Variants in VIT observed in about 807,000 individuals in gnomAD.
VIT encodes the protein vitrin.
A neutral mutation model predicts 78.0 loss-of-function variants in VIT; 99 were observed. That is an observed-to-expected ratio of 1.27 (90% CI 1.08 to 1.50). The LOEUF (loss-of-function observed/expected upper bound fraction) is 1.50. Ranked by LOEUF, VIT falls within the 40% of genes most tolerant of loss-of-function variation. The pLI is 0.00. For synonymous variants in VIT, 374 were observed against 334.3 expected, an observed-to-expected ratio of 1.12 and a Z score of -1.29; for missense variants, 1,126 against 875.3, an observed-to-expected ratio of 1.29 and a Z score of -3.61.
chr2:36,797,725 A>C (rs907595898), intron 12 of VIT, among the ~76,000 whole-genome samples: 2 of 152,154 alleles, frequency 1.3e-5, no homozygotes, highest in African/African-American at 2.4e-5. Flanking sequence ...AGTTGATGAA[A>C]TCTCCCAGGG....
At chr2:36,797,525 G>A (rs1396425454) in intron 12 of VIT, among the ~76,000 whole-genome samples, 1 of 152,228 alleles carries the variant, frequency 6.6e-6, no homozygotes, top group Non-Finnish European at 1.5e-5. Context: ...GAGGAAGGCA[G>A]ATGGGGAGAT....
At chr2:36,731,509 A>G (rs189847178) in intron 3 of VIT, among the ~76,000 whole-genome samples, 3 of 152,074 alleles carry the variant, frequency 2.0e-5, no homozygotes, top group Non-Finnish European at 4.4e-5. Flanking sequence ...TCCTGACCTC[A>G]TGATCCACCT....
chr2:36,727,520 C>T (rs906217399), intron 2 of VIT, among the ~76,000 whole-genome samples: 1 of 152,242 alleles, frequency 6.6e-6, no homozygotes, highest in Non-Finnish European at 1.5e-5. Context: ...ATTCCTTCCT[C>T]TGGAAAATGG....
intron 8 of VIT, 174 bp from the exon 9 acceptor site, chr2:36,774,828 T>C (rs1225717431): frequency 3.0e-6 from 3 of 985,388 alleles, no homozygotes; most frequent in Non-Finnish European, 3.6e-6. Context: ...TCCTGTCCCC[T>C]TGGCCAAGAT....
intron 2 of VIT, among the ~76,000 whole-genome samples, chr2:36,720,897 C>G (rs1321084355): frequency 6.6e-6 from 1 of 152,010 alleles, no homozygotes; most frequent in African/African-American, 2.4e-5. Flanking sequence ...GTAATCTAAG[C>G]TACTTGGGAG....
At chr2:36,698,687 T>C (rs1214574516) in intron 1 of VIT, among the ~76,000 whole-genome samples, 1 of 152,172 alleles carries the variant, frequency 6.6e-6, no homozygotes, top group African/African-American at 2.4e-5. Flanking sequence ...CTCACACCTG[T>C]AATCCCAGCA....
intron 9 of VIT, among the ~76,000 whole-genome samples, chr2:36,778,409 C>G (rs749739129): frequency 6.6e-6 from 1 of 152,176 alleles, no homozygotes; most frequent in Non-Finnish European, 1.5e-5. Context: ...CAAGTTAAAA[C>G]CTGGTGGCTT....
intron 4 of VIT, among the ~76,000 whole-genome samples, chr2:36,750,618 C>A (rs1391522333): frequency 6.6e-6 from 1 of 151,816 alleles, no homozygotes; most frequent in Non-Finnish European, 1.5e-5. Flanking sequence ...GTCAGGAATT[C>A]GAGACCAGCC....
intron 5 of VIT, 46 bp from the exon 6 acceptor site, chr2:36,758,923 T>A: frequency 6.5e-7 from 1 of 1,543,866 alleles, no homozygotes; most frequent in Non-Finnish European, 8.9e-7. Flanking sequence ...ATCTAAAACC[T>A]CTAGCTCTAG....
At chr2:36,803,542 G>T (rs1666482534) in intron 13 of VIT, among the ~76,000 whole-genome samples, 1 of 152,158 alleles carries the variant, frequency 6.6e-6, no homozygotes, top group African/African-American at 2.4e-5. Context: ...GGACTTCCGG[G>T]TGCTTTGTGC....
chr2:36,767,748 T>C (rs545162402), intron 7 of VIT, among the ~76,000 whole-genome samples: 2 of 152,346 alleles, frequency 1.3e-5, no homozygotes, highest in Non-Finnish European at 2.9e-5. Context: ...GCTCAAATCA[T>C]GTTGAAGGTT....
intron 12 of VIT, among the ~76,000 whole-genome samples, chr2:36,794,877 C>A (rs1334639701): frequency 1.3e-5 from 2 of 152,176 alleles, no homozygotes; most frequent in African/African-American, 4.8e-5. Flanking sequence ...AAATTAGAAG[C>A]ACCTATTCAT....
At position 36,729,317 on chromosome 2, in the gene VIT, T is replaced by C. The variant is rs1573168486; in HGVS notation, c.53-109T>C. 1.2e-5 allele frequency: 11 copies of C among 906,234 alleles called. No homozygotes were observed. In the East Asian group the frequency reaches 2.8e-4, roughly 23 times the overall value. 56.1% of individuals were successfully genotyped at this position (906,234 alleles called of 1,614,324 possible). The stretch of plus-strand genomic sequence containing the variant: ...GCATGACTGTAAGAGGGAAAATTAG[T>C]TCTGCCATGGAGAATACTTTGTGGA... On this transcript the variant is annotated intron_variant, in intron 2 of 15. Transcript: ENST00000379242.
At chr2:36,774,585 G>T (rs947986985) in intron 8 of VIT, 7 of 985,306 alleles carry the variant, frequency 7.1e-6, no homozygotes, top group African/African-American at 1.7e-5. Context: ...AGAAACTGTA[G>T]GTTCTGTTTT....
At position 36,773,908 on chromosome 2, in the gene VIT, C is replaced by T. The variant is rs937832199; in HGVS notation, c.736+61C>T. 2.6e-6 allele frequency: 4 copies of T among 1,509,818 alleles called. No individual in the cohort carries two copies. The African/African-American group carries it at 4.1e-5, about 16-fold the overall frequency. 93.5% of individuals were successfully genotyped at this position (1,509,818 alleles called of 1,614,324 possible). A position where few individuals can be genotyped will look rare whatever the true frequency, so the allele number is the denominator to read the frequency against. On this transcript the variant is annotated intron_variant, in intron 8 of 15. Transcript: ENST00000379242. ...AAGTTAAGCTTGTTTACATGCGGTT[C>T]CTCTCCACATCTTTGCCATTTAATT...
chr2:36,785,302 GGAGCCTGA>G (rs1468005246), intron 11 of VIT, among the ~76,000 whole-genome samples: 4 of 152,184 alleles, frequency 2.6e-5, no homozygotes. Flanking sequence ...AGGTTTGGGT[GGAGCCTGA>G]GAGTCTAGCA....
chr2:36,783,700 G>C (rs528654048), intron 11 of VIT, among the ~76,000 whole-genome samples: 1 of 152,304 alleles, frequency 6.6e-6, no homozygotes, highest in South Asian at 2.1e-4. Context: ...GTTAGCAGGG[G>C]CAATGGTCTA....
intron 9 of VIT, among the ~76,000 whole-genome samples, chr2:36,776,809 G>A (rs1196986649): frequency 6.6e-6 from 1 of 151,296 alleles, no homozygotes; most frequent in Non-Finnish European, 1.5e-5. Flanking sequence ...AAAATAAAAT[G>A]GCCTGGCGCG....
intron 3 of VIT, among the ~76,000 whole-genome samples, chr2:36,741,812 T>C (rs1401877580): frequency 6.6e-6 from 1 of 152,196 alleles, no homozygotes; most frequent in South Asian, 2.1e-4. Context: ...CACTGCTTCC[T>C]GGGGCAGCTC....
Sources: allele counts gnomAD v4.1 joint callset (sites outside exome capture counted in the v4.1 genomes callset), GRCh38; gene constraint gnomAD v4.1.1; transcripts MANE v1.5; gene names NCBI Gene and HGNC (gene_info 2026-07-23, HGNC 2026-07-21).